TTC1: variants seen among roughly 807,000 people sequenced by gnomAD.
TTC1 encodes tetratricopeptide repeat domain 1.
TTC1 carries 31 observed loss-of-function variants against 37.6 expected under a neutral mutation model. The ratio of observed to expected loss-of-function variants is 0.82; its 90% CI spans 0.62 to 1.11. The LOEUF is 1.11. TTC1 is among the 50% of genes most tolerant of loss of function. The probability of loss-of-function intolerance (pLI) is 0.00; values close to 1 mark genes in which losing one functional copy is unlikely to be tolerated. For synonymous variants in TTC1, 127 were observed against 122.4 expected (o/e 1.04, Z -0.25); for missense variants, 351 against 339.0 (o/e 1.04, Z -0.28).
At position 160,023,960 on chromosome 5, in the gene TTC1, A is replaced by G. The variant is rs932204869; in HGVS notation, c.331-11180A>G. ...CTTTTCCTCTTCCTCATCAGGTATCAGAGAGTATTTGGTCCCACCTGGTTG... is the reference window on the plus strand; with the variant it reads ...CTTTTCCTCTTCCTCATCAGGTATCGGAGAGTATTTGGTCCCACCTGGTTG... On this transcript the variant is annotated intron_variant, in intron 2 of 7. Transcript: ENST00000231238. The G allele has an allele frequency of 5.8e-6, 9 of 1,564,698 alleles. No homozygotes were observed. In the Admixed American group the frequency reaches 8.3e-5, roughly 14 times the overall value.
Position 160,049,529 on chromosome 5 carries a change from C to A in TTC1, c.557C>A (p.Pro186His). 1.3e-6 allele frequency: 2 copies of A among 1,570,380 alleles called. No individual in the cohort carries two copies. The highest frequency in any genetic ancestry group is 1.7e-6 in the Non-Finnish European group (2 of 1,164,976). The stretch of plus-strand genomic sequence containing the variant: ...CTTTTTACAGCAATTCAATTAAACC[C>A]CAGCTATATCAGGGCAATATTGAGG... ...NDCSKAIQLNPSYIRAILRRA... is the reference protein window; with the variant it reads ...NDCSKAIQLNHSYIRAILRRA... The change falls in exon 6 of 8, where the codon CCC becomes CAC. Residue 186 changes from proline (P) to histidine (H), a missense_variant. Physicochemically the swap from Pro to His is moderately conservative, Grantham distance 77 (BLOSUM62 -2). Coordinates refer to ENST00000231238, the MANE Select transcript of TTC1 (RefSeq NM_003314.3).
At chr5:160,059,947 C>T (rs1757654833) in intron 7 of TTC1, among the ~76,000 whole-genome samples, 1 of 152,192 alleles carries the variant, frequency 6.6e-6, no homozygotes, top group Admixed American at 6.5e-5. Flanking sequence ...TTGTAAAAAA[C>T]ACAATATCTG....
At chr5:160,033,418 G>A (rs938864169) in intron 2 of TTC1, among the ~76,000 whole-genome samples, 6 of 152,140 alleles carry the variant, frequency 3.9e-5, no homozygotes, top group African/African-American at 1.2e-4. Context: ...TTAATCCATA[G>A]TGTAATAATA....
chr5:160,025,616 A>G (rs747254395), intron 2 of TTC1, among the ~76,000 whole-genome samples: 15 of 152,240 alleles, frequency 9.9e-5, no homozygotes, highest in Non-Finnish European at 1.8e-4. Flanking sequence ...TATGAAGCAT[A>G]TAAGTTCTGT....
chr5:160,039,149 T>A (rs1319388394), intron 4 of TTC1: 1 of 152,198 alleles, frequency 6.6e-6, no homozygotes, highest in East Asian at 1.9e-4. Context: ...TCAGCATCCC[T>A]GACTCAGTGC....
intron 4 of TTC1, among the ~76,000 whole-genome samples, chr5:160,038,056 T>A (rs572844784): frequency 1.3e-5 from 2 of 152,202 alleles, no homozygotes; most frequent in African/African-American, 4.8e-5. Context: ...GGGTGGGTGC[T>A]TGAATGCTTG....
chr5:160,065,149 A>G lies in TTC1; in HGVS notation c.*84A>G. The G allele has an allele frequency of 1.3e-6, 2 of 1,547,914 alleles. No homozygotes were observed. The highest frequency in any genetic ancestry group is 1.7e-6 in the Non-Finnish European group (2 of 1,149,818). ...AGGGGAAAGGCCCTGCCAATGTTTA[A>G]CTTTTAAAAGCATCTTATCTAAAAG... On this transcript the variant is annotated 3_prime_UTR_variant, in exon 8 of 8. Transcript: ENST00000231238.
chr5:160,025,682 C>T (rs1182464203), intron 2 of TTC1, among the ~76,000 whole-genome samples: 1 of 152,238 alleles, frequency 6.6e-6, no homozygotes, highest in African/African-American at 2.4e-5. Flanking sequence ...TTCCTGCAAA[C>T]AATTCTTTAT....
intron 2 of TTC1, chr5:160,023,605 G>A (rs1166511115): frequency 8.6e-6 from 6 of 694,762 alleles, no homozygotes; most frequent in Middle Eastern, 4.1e-4. Flanking sequence ...AGGTAGTTTC[G>A]TGTTTTATCA....
chr5:160,051,435 G>A (rs1757402506), intron 7 of TTC1, among the ~76,000 whole-genome samples: 1 of 152,116 alleles, frequency 6.6e-6, no homozygotes, highest in African/African-American at 2.4e-5. Flanking sequence ...GCATAATTCA[G>A]TTCCCTGGGA....
intron 2 of TTC1, among the ~76,000 whole-genome samples, chr5:160,013,516 G>A (rs1365721274): frequency 4.0e-5 from 6 of 151,872 alleles, no homozygotes; most frequent in South Asian, 2.1e-4. Context: ...AGGCTGAGGC[G>A]GGCGGATCAT....
chr5:160,036,338 C>T (rs1162162374), intron 3 of TTC1, among the ~76,000 whole-genome samples: 2 of 152,092 alleles, frequency 1.3e-5, no homozygotes, highest in African/African-American at 4.8e-5. Context: ...TTTCCTCTGT[C>T]CAGTTCTGTA....
intron 4 of TTC1, among the ~76,000 whole-genome samples, chr5:160,037,815 A>G (rs1757022097): frequency 6.6e-6 from 1 of 152,038 alleles, no homozygotes; most frequent in Non-Finnish European, 1.5e-5. Flanking sequence ...CACTTTTTAA[A>G]CTATGGCTAC....
chr5:160,039,966 C>A (rs1352577614), intron 4 of TTC1, among the ~76,000 whole-genome samples: 1 of 152,172 alleles, frequency 6.6e-6, no homozygotes, highest in Admixed American at 6.5e-5. Flanking sequence ...AGTCACTTAA[C>A]AACGGGTATA....
At chr5:160,013,328 AG>A (rs1756535174) in intron 2 of TTC1, among the ~76,000 whole-genome samples, 1 of 152,170 alleles carries the variant, frequency 6.6e-6, no homozygotes, top group Non-Finnish European at 1.5e-5. Flanking sequence ...TGGCTTTAAT[AG>A]CTCATCAGAA....
At chr5:160,019,590 T>C (rs950403744) in intron 2 of TTC1, among the ~76,000 whole-genome samples, 1 of 135,682 alleles carries the variant, frequency 7.4e-6, no homozygotes, top group African/African-American at 2.7e-5. Context: ...CTTTTTTTTT[T>C]TTTTTTTTTT....
intron 6 of TTC1, among the ~76,000 whole-genome samples, chr5:160,050,214 G>A (rs377308351): frequency 1.8e-3 from 274 of 152,200 alleles, no homozygotes; most frequent in African/African-American, 6.1e-3. Flanking sequence ...TTGGGAGGCC[G>A]AGGAGGGCGG....
intron 4 of TTC1, among the ~76,000 whole-genome samples, chr5:160,041,589 A>C (rs576435366): frequency 6.6e-6 from 1 of 152,180 alleles, no homozygotes; most frequent in Admixed American, 6.5e-5. Context: ...CTGAGATTAC[A>C]GGCATAAGCC....
At chr5:160,012,869 T>C (rs1756525874) in intron 2 of TTC1, among the ~76,000 whole-genome samples, 1 of 152,352 alleles carries the variant, frequency 6.6e-6, no homozygotes, top group East Asian at 1.9e-4. Context: ...ATTTCCATCA[T>C]GTCAGAAACT....
Sources: allele counts gnomAD v4.1 joint callset (sites outside exome capture counted in the v4.1 genomes callset), GRCh38; gene constraint gnomAD v4.1.1; transcripts MANE v1.5; gene names NCBI Gene and HGNC (gene_info 2026-07-23, HGNC 2026-07-21).